Variants in VRK2 observed in about 807,000 individuals in gnomAD.
VRK2 encodes the protein serine/threonine-protein kinase VRK2.
A neutral mutation model predicts 57.6 loss-of-function variants in VRK2; 60 were observed. The ratio of observed to expected loss-of-function variants is 1.04; its 90% CI spans 0.85 to 1.29. The LOEUF (loss-of-function observed/expected upper bound fraction) is 1.29, where lower values mean the gene tolerates loss of function less well. Among genes scored for constraint, VRK2 ranks in the 50% most tolerant of loss-of-function variants. The pLI is 0.00. For synonymous variants in VRK2, 231 were observed against 199.2 expected, an observed-to-expected ratio of 1.16 and a Z score of -1.35; for missense variants, 705 against 588.1, an observed-to-expected ratio of 1.20 and a Z score of -2.06.
intron 11 of VRK2, among the ~76,000 whole-genome samples, chr2:58,140,509 A>G (rs1681177347): frequency 6.6e-6 from 1 of 152,030 alleles, no homozygotes; most frequent in African/African-American, 2.4e-5. Context: ...ATGCACAAAT[A>G]GAGTGTGGAG....
chr2:57,940,622 C>T (rs568194281), intron 1 of VRK2, among the ~76,000 whole-genome samples: 2 of 152,284 alleles, frequency 1.3e-5, no homozygotes, highest in African/African-American at 4.8e-5. Context: ...AAAGGTCAAA[C>T]ATTTTCCAGT....
chr2:57,942,289 A>C (rs1249928990), intron 1 of VRK2, among the ~76,000 whole-genome samples: 1 of 152,232 alleles, frequency 6.6e-6, no homozygotes, highest in Non-Finnish European at 1.5e-5. Context: ...ATTCGTGCCA[A>C]ATTTTCCAAA....
chr2:58,095,857 C>T (rs1280088018), intron 7 of VRK2, among the ~76,000 whole-genome samples: 1 of 151,704 alleles, frequency 6.6e-6, no homozygotes, highest in African/African-American at 2.4e-5. Context: ...GAAGTATTAC[C>T]CCATTAAATG....
intron 1 of VRK2, among the ~76,000 whole-genome samples, chr2:57,935,583 A>C (rs1428322217): frequency 6.6e-6 from 1 of 152,072 alleles, no homozygotes; most frequent in African/African-American, 2.4e-5. Context: ...GTGGGTCCGG[A>C]GGTAAAATTC....
chr2:58,136,921 T>A, intron 10 of VRK2, among the ~76,000 whole-genome samples: 1 of 115,648 alleles, frequency 8.6e-6, no homozygotes, highest in Non-Finnish European at 1.7e-5. Context: ...ATATCATATA[T>A]GTGTATATAT....
In VRK2 at chr2:58,135,178, G is replaced by C. The variant is rs758297224; in HGVS notation, c.835G>C (p.Ala279Pro). ...DELPQSVLKWAPSGSSCCEIA... is the reference protein window; with the variant it reads ...DELPQSVLKWPPSGSSCCEIA... ...GCTCCCCCAGTCAGTGCTTAAATGG[G>C]CTCCTTCTGGAAGCAGTTGCTGTAA... The change falls in exon 10 of 13, where the codon GCT becomes CCT. Residue 279 changes from alanine to proline, a missense_variant. Ala to Pro is a conservative substitution (Grantham distance 27). Transcript: ENST00000340157. 1.2e-6 allele frequency: 2 copies of C among 1,614,120 alleles called. No individual in the cohort carries two copies. Among genetic ancestry groups the C allele is most frequent in the Admixed American group, 3.3e-5 (2 of 60,020 alleles).
At position 58,048,472 on chromosome 2, in the gene VRK2, A is replaced by G. The variant is rs374822324; in HGVS notation, c.-5-355A>G. ...CTCAGTGACAGCAATATTTCCATGT[A>G]CATGAAATTTATTTTCTTTCTTCAT... On this transcript the variant is annotated intron_variant, in intron 1 of 12. Coordinates refer to ENST00000340157, the MANE Select transcript of VRK2 (RefSeq NM_006296.7). The G allele has an allele frequency of 7.0e-6, 7 of 997,074 alleles. No individual in the cohort carries two copies. The African/African-American group carries it at 8.7e-5, about 12-fold the overall frequency. The allele number at this position is 997,074 out of a possible 1,614,324, so 61.8% of individuals were successfully genotyped here. A position where few individuals can be genotyped will look rare whatever the true frequency, so the allele number is the denominator to read the frequency against.
At chr2:58,133,832 CAT>C (rs1679574402) in intron 9 of VRK2, among the ~76,000 whole-genome samples, 3 of 152,102 alleles carry the variant, frequency 2.0e-5, no homozygotes, top group African/African-American at 7.2e-5. Flanking sequence ...GAACAATGCA[CAT>C]ATATACTTAG....
intron 10 of VRK2, among the ~76,000 whole-genome samples, chr2:58,136,907 A>ATATAT (rs70954877): frequency 0.92 from 117,376 of 127,472 alleles, 54,142 homozygotes; most frequent in East Asian, 0.99. Context: ...TATATATCAT[A>ATATAT]TATATATCAT....
At chr2:58,052,756 CTT>C (rs924253793) in intron 2 of VRK2, among the ~76,000 whole-genome samples, 1 of 152,092 alleles carries the variant, frequency 6.6e-6, no homozygotes, top group African/African-American at 2.4e-5. Context: ...CAGCATAAGA[CTT>C]TATGACATTT....
intron 7 of VRK2, among the ~76,000 whole-genome samples, chr2:58,110,786 G>A (rs543901088): frequency 2.6e-5 from 4 of 152,284 alleles, no homozygotes; most frequent in African/African-American, 7.2e-5. Flanking sequence ...AATTGAGGAG[G>A]GAGAGCTTCA....
intron 2 of VRK2, among the ~76,000 whole-genome samples, chr2:58,060,698 T>A (rs972945608): frequency 6.6e-6 from 1 of 151,956 alleles, no homozygotes; most frequent in African/African-American, 2.4e-5. Context: ...TACAGCCTAA[T>A]TTCAGCATAA....
intron 2 of VRK2, among the ~76,000 whole-genome samples, chr2:58,053,500 A>G (rs1676062110): frequency 6.6e-6 from 1 of 152,206 alleles, no homozygotes; most frequent in African/African-American, 2.4e-5. Flanking sequence ...CAAAGTTTAA[A>G]TCATTTATTT....
chr2:57,917,079 T>C (rs1008872747), intron 1 of VRK2, among the ~76,000 whole-genome samples: 50 of 152,298 alleles, frequency 3.3e-4, no homozygotes, highest in African/African-American at 1.1e-3. Context: ...GAAACAGATA[T>C]TATCCCCTAA....
In VRK2 at chr2:58,011,016, T is replaced by A. The variant is rs146276597; in HGVS notation, c.-438-14649T>A. On this transcript the variant is annotated intron_variant, in intron 1 of 15. Coordinates refer to the VRK2 transcript ENST00000417641. The stretch of plus-strand genomic sequence containing the variant: ...AAAGGCATTTCAATGGGGAACTCCA[T>A]CAGGTGAAACTAGCTGGCCTCCATA... 5.3e-3 allele frequency among the ~76,000 whole-genome samples: 814 copies of A among 152,308 alleles called. 5 individuals carry two copies. Among genetic ancestry groups the A allele is most frequent in the Middle Eastern group, 0.024 (7 of 294 alleles).
At chr2:57,915,306 T>C (rs1324671599) in intron 1 of VRK2, among the ~76,000 whole-genome samples, 2 of 152,078 alleles carry the variant, frequency 1.3e-5, no homozygotes, top group Non-Finnish European at 2.9e-5. Flanking sequence ...TTTGCAAACA[T>C]GAAAGCATTT....
At chr2:58,039,292 T>C (rs1674371671) in intron 3 of VRK2, among the ~76,000 whole-genome samples, 1 of 152,130 alleles carries the variant, frequency 6.6e-6, no homozygotes, top group South Asian at 2.1e-4. Flanking sequence ...CCTCACAACA[T>C]TGCCAAAAGG....
chr2:58,055,670 A>G (rs1676411879), intron 2 of VRK2, among the ~76,000 whole-genome samples: 1 of 152,202 alleles, frequency 6.6e-6, no homozygotes, highest in Admixed American at 6.5e-5. Context: ...CCCTAAATTT[A>G]GAAAGGGCAG....
At chr2:58,071,108 T>A (rs1262772269) in intron 2 of VRK2, among the ~76,000 whole-genome samples, 1 of 152,150 alleles carries the variant, frequency 6.6e-6, no homozygotes, top group African/African-American at 2.4e-5. Flanking sequence ...CTTTACATCT[T>A]TTTTTAGAAG....
Sources: gnomAD v4.1 joint callset for allele counts (sites outside exome capture counted in the v4.1 genomes callset) on GRCh38, gnomAD v4.1.1 for gene constraint, MANE v1.5 for transcripts, NCBI Gene and HGNC (gene_info 2026-07-23, HGNC 2026-07-21) for gene names.